Variants in AGBL4 observed in about 807,000 individuals in gnomAD.
AGBL4 encodes the protein cytosolic carboxypeptidase 6.
Under a neutral mutation model 66.4 loss-of-function variants are expected in AGBL4, and 58 were observed. The ratio of observed to expected loss-of-function variants is 0.87; its 90% CI spans 0.71 to 1.09. AGBL4 has a LOEUF of 1.09. AGBL4 is among the 50% of genes least tolerant of loss of function. The pLI is 0.00. For missense variants in AGBL4, 579 were observed against 631.0 expected, an observed-to-expected ratio of 0.92 and a Z score of 0.88; for synonymous variants, 234 against 222.9, an observed-to-expected ratio of 1.05 and a Z score of -0.44.
intron 3 of AGBL4, among the ~76,000 whole-genome samples, chr1:49,465,472 A>C (rs1257046991): frequency 6.6e-6 from 1 of 151,826 alleles, no homozygotes; most frequent in African/African-American, 2.4e-5. Flanking sequence ...AAAGTGATAT[A>C]GAATCTGTCC....
chr1:48,992,996 T>C (rs1162045829), intron 5 of AGBL4, among the ~76,000 whole-genome samples: 1 of 152,074 alleles, frequency 6.6e-6, no homozygotes, highest in African/African-American at 2.4e-5. Flanking sequence ...AGCTGGTAAC[T>C]AAGCTGCAAA....
chr1:48,525,174 C>T, the AGBL4 span, among the ~76,000 whole-genome samples: 2 of 152,224 alleles, frequency 1.3e-5, no homozygotes, highest in East Asian at 3.9e-4. Context: ...TTGGCCCTCT[C>T]TAAACATCTC....
intron 4 of AGBL4, among the ~76,000 whole-genome samples, chr1:49,106,426 G>C (rs751527384): frequency 6.6e-6 from 1 of 152,126 alleles, no homozygotes; most frequent in Non-Finnish European, 1.5e-5. Context: ...TCATATGTTT[G>C]TCCTAAGAGA....
intron 4 of AGBL4, among the ~76,000 whole-genome samples, chr1:49,090,299 C>A (rs1194873879): frequency 6.6e-6 from 1 of 152,104 alleles, no homozygotes; most frequent in African/African-American, 2.4e-5. Flanking sequence ...GTCAGACTAT[C>A]CCCGTTTGCA....
At chr1:48,678,684 T>C (rs1272105179) in intron 6 of AGBL4, among the ~76,000 whole-genome samples, 1 of 152,228 alleles carries the variant, frequency 6.6e-6, no homozygotes, top group Non-Finnish European at 1.5e-5. Flanking sequence ...TGCGTTTTAA[T>C]GGTGCAAATG....
chr1:49,427,608 G>A (rs915318235), intron 3 of AGBL4, among the ~76,000 whole-genome samples: 17 of 152,140 alleles, frequency 1.1e-4, no homozygotes, highest in African/African-American at 3.6e-4. Flanking sequence ...TCTTCCTTCC[G>A]GTGGGTTCGT....
At chr1:49,984,389 G>C (rs1011240434) in intron 1 of AGBL4, among the ~76,000 whole-genome samples, 1 of 152,212 alleles carries the variant, frequency 6.6e-6, no homozygotes, top group Non-Finnish European at 1.5e-5. Flanking sequence ...TTGACATAGA[G>C]AGCTTAACTG....
chr1:48,825,138 G>A (rs1016124440), intron 6 of AGBL4, among the ~76,000 whole-genome samples: 3 of 152,166 alleles, frequency 2.0e-5, no homozygotes, highest in Admixed American at 6.5e-5. Flanking sequence ...CTTGGAGGGA[G>A]GAGGGAAACA....
At chr1:49,841,866 C>T in intron 2 of AGBL4, 1 of 575,820 alleles carries the variant, frequency 1.7e-6, no homozygotes, top group Admixed American at 2.3e-5. Flanking sequence ...CAGGGGCAGC[C>T]ATTCCTGCCA....
chr1:49,549,377 T>C (rs1482538039), intron 3 of AGBL4, among the ~76,000 whole-genome samples: 1 of 152,076 alleles, frequency 6.6e-6, no homozygotes, highest in Non-Finnish European at 1.5e-5. Context: ...CCTTAGAATG[T>C]CAATTTGTGC....
At chr1:49,996,119 C>A (rs1232206269) in intron 1 of AGBL4, 4 of 151,868 alleles carry the variant, frequency 2.6e-5, no homozygotes, top group Non-Finnish European at 5.9e-5. Context: ...GAGAAGGAAC[C>A]AGAAAAAACA....
chr1:48,798,055 C>A (rs1444408601), intron 6 of AGBL4, among the ~76,000 whole-genome samples: 1 of 152,194 alleles, frequency 6.6e-6, no homozygotes, highest in African/African-American at 2.4e-5. Context: ...ACTCTCCATA[C>A]TGTTTTCCAG....
At chr1:49,812,189 T>G (rs1021587404) in intron 2 of AGBL4, among the ~76,000 whole-genome samples, 3 of 152,170 alleles carry the variant, frequency 2.0e-5, no homozygotes, top group Non-Finnish European at 4.4e-5. Flanking sequence ...ACGAATACAT[T>G]CACTGTGCTG....
At chr1:49,901,198 C>T (rs1441548034) in intron 1 of AGBL4, among the ~76,000 whole-genome samples, 1 of 152,118 alleles carries the variant, frequency 6.6e-6, no homozygotes. Flanking sequence ...CCAGAGCAAT[C>T]AGGCAAGAGA....
At chr1:48,759,219 T>C (rs1042186251) in intron 6 of AGBL4, 43 of 1,604,042 alleles carry the variant, frequency 2.7e-5, no homozygotes, top group Non-Finnish European at 3.3e-5. Context: ...TCTGCTTCTC[T>C]AGCCGAGCCA....
chr1:49,730,793 C>T (rs1196544984), intron 2 of AGBL4, among the ~76,000 whole-genome samples: 2 of 152,178 alleles, frequency 1.3e-5, no homozygotes, highest in African/African-American at 4.8e-5. Flanking sequence ...AAAGCCCAGG[C>T]AGAGGCATCA....
intron 3 of AGBL4, among the ~76,000 whole-genome samples, chr1:49,631,757 G>C (rs1334037876): frequency 6.6e-6 from 1 of 152,160 alleles, no homozygotes; most frequent in Non-Finnish European, 1.5e-5. Flanking sequence ...AATGGATGGA[G>C]GAAGAAAGAA....
intron 5 of AGBL4, among the ~76,000 whole-genome samples, chr1:49,005,950 G>A (rs1272801868): frequency 2.0e-5 from 3 of 151,948 alleles, no homozygotes; most frequent in South Asian, 2.1e-4. Context: ...GCAGTGAGCC[G>A]AGACTGCACC....
intron 3 of AGBL4, among the ~76,000 whole-genome samples, chr1:49,606,985 C>T (rs1645073520): frequency 6.6e-6 from 1 of 152,106 alleles, no homozygotes; most frequent in African/African-American, 2.4e-5. Flanking sequence ...CCATTAACTA[C>T]CTATATGTTA....
Sources: gnomAD v4.1 joint callset for allele counts (sites outside exome capture counted in the v4.1 genomes callset) on GRCh38, gnomAD v4.1.1 for gene constraint, MANE v1.5 for transcripts, NCBI Gene and HGNC (gene_info 2026-07-23, HGNC 2026-07-21) for gene names.